The following GAREM1 variants were observed in gnomAD, a reference collection of about 807,000 sequenced individuals.
The protein encoded by GAREM1 is GRB2-associated and regulator of MAPK protein 1.
GAREM1 carries 26 observed loss-of-function variants against 71.3 expected under a neutral mutation model. The observed-to-expected ratio is 0.36, with a 90% confidence interval of 0.27 to 0.51. GAREM1 has a LOEUF of 0.51. GAREM1 is among the 20% of genes least tolerant of loss of function. The pLI, the probability that GAREM1 is intolerant of heterozygous loss-of-function variation, is 0.95. For synonymous variants in GAREM1, 440 were observed against 433.2 expected (o/e 1.02, Z -0.20); for missense variants, 1,026 against 1,103.1 (o/e 0.93, Z 0.99).
At chr18:32,413,709 T>C (rs959203154) in intron 1 of GAREM1, among the ~76,000 whole-genome samples, 22 of 152,118 alleles carry the variant, frequency 1.4e-4, no homozygotes, top group African/African-American at 5.1e-4. Context: ...GTGCAACTTC[T>C]TAAAATTGAA....
chr18:32,381,403 G>C (rs77262458), intron 2 of GAREM1, among the ~76,000 whole-genome samples: 1 of 152,154 alleles, frequency 6.6e-6, no homozygotes, highest in African/African-American at 2.4e-5. Context: ...GCAAAAGCAA[G>C]TGCCTGTGCT....
intron 2 of GAREM1, among the ~76,000 whole-genome samples, chr18:32,372,245 G>A (rs904263738): frequency 6.6e-6 from 1 of 152,230 alleles, no homozygotes; most frequent in Admixed American, 6.5e-5. Flanking sequence ...GTACTAAGAA[G>A]GCAAATTAAA....
chr18:32,458,185 AT>A (rs1411320696), intron 1 of GAREM1, among the ~76,000 whole-genome samples: 2 of 152,078 alleles, frequency 1.3e-5, no homozygotes, highest in Non-Finnish European at 2.9e-5. Flanking sequence ...AAACGTGTCC[AT>A]TTACTTATTA....
At chr18:32,298,750 A>G (rs182691510) in intron 3 of GAREM1, among the ~76,000 whole-genome samples, 3 of 150,556 alleles carry the variant, frequency 2.0e-5, no homozygotes, top group Admixed American at 2.0e-4. Flanking sequence ...GTAAGAGGTT[A>G]AAATTCCAAC....
At chr18:32,413,515 T>G (rs970612648) in intron 1 of GAREM1, among the ~76,000 whole-genome samples, 2 of 152,168 alleles carry the variant, frequency 1.3e-5, no homozygotes, top group Admixed American at 6.6e-5. Context: ...AGACAGTGGC[T>G]AGGTGACATT....
At chr18:32,274,814 G>C (rs2144427534) in intron 4 of GAREM1, among the ~76,000 whole-genome samples, 2 of 152,166 alleles carry the variant, frequency 1.3e-5, no homozygotes, top group Middle Eastern at 3.4e-3. Flanking sequence ...TAATGAGCCT[G>C]CGAGCTAAAA....
intron 2 of GAREM1, among the ~76,000 whole-genome samples, chr18:32,376,625 G>A (rs1267550360): frequency 6.6e-6 from 1 of 151,954 alleles, no homozygotes; most frequent in African/African-American, 2.4e-5. Context: ...ATCACCTGAG[G>A]TCAGAAGTTC....
chr18:32,439,469 G>A (rs758703533), intron 1 of GAREM1, among the ~76,000 whole-genome samples: 8 of 152,008 alleles, frequency 5.3e-5, no homozygotes, highest in African/African-American at 1.7e-4. Flanking sequence ...ATTTACTTCC[G>A]ATAAGGTGAT....
At chr18:32,438,571 G>A (rs965414706) in intron 1 of GAREM1, among the ~76,000 whole-genome samples, 2 of 152,168 alleles carry the variant, frequency 1.3e-5, no homozygotes, top group Non-Finnish European at 2.9e-5. Flanking sequence ...CAACAAAGGC[G>A]AGTCAAGAAC....
Position 32,308,826 on chromosome 18 carries a change from G to A in GAREM1, c.393+1367C>T, listed in dbSNP as rs549720009. On this transcript the variant is annotated intron_variant, in intron 3 of 5. Transcript: ENST00000269209. ...CATCTTAATAATAAAACTAAAGAGC[G>A]TAGACCAAAGCAGCTGTATTTTGGA... is the stretch of plus-strand genomic sequence containing the variant. Among the ~76,000 whole-genome samples the A allele has an allele frequency of 3.3e-4, 50 of 150,338 alleles. 3 individuals carry two copies. The highest frequency in any genetic ancestry group is 8.5e-4 in the South Asian group (4 of 4,720).
intron 4 of GAREM1, among the ~76,000 whole-genome samples, chr18:32,271,342 GC>G (rs1417276718): frequency 6.6e-6 from 1 of 152,068 alleles, no homozygotes; most frequent in Non-Finnish European, 1.5e-5. Context: ...ACAGGCGCCT[GC>G]CATCATGCCC....
chr18:32,287,660 C>A lies in GAREM1; in HGVS notation c.937G>T (p.Val313Leu), dbSNP rs764335169. The A allele has an allele frequency of 6.2e-7, 1 of 1,614,176 alleles. No homozygotes were observed. Among genetic ancestry groups the A allele is most frequent in the South Asian group, 1.1e-5 (1 of 91,082 alleles). Reference protein sequence around the residue: ...VPKFSLPEHLVKGESWPETLV... With the variant: ...VPKFSLPEHLLKGESWPETLV... Reference sequence around the variant, plus strand: ...GTTTCGGGCCAGCTCTCTCCCTTCACCAGGTGTTCTGGGAGGCTGAACTTG... The same window carrying A: ...GTTTCGGGCCAGCTCTCTCCCTTCAACAGGTGTTCTGGGAGGCTGAACTTG... Residue 313 changes from valine to leucine, a missense_variant, in exon 4 of 6, where the codon GTG becomes TTG. Transcript: ENST00000269209. This position sits in a 1 kb window ranked among gnomAD's most constrained non-coding sequence, Gnocchi z 5.9.
intron 1 of GAREM1, among the ~76,000 whole-genome samples, chr18:32,448,808 G>A (rs58259592): frequency 0.012 from 1,765 of 152,218 alleles, 26 homozygotes; most frequent in African/African-American, 0.04. Flanking sequence ...GGGAGACTGG[G>A]GTAGGAAGAC....
intron 2 of GAREM1, among the ~76,000 whole-genome samples, chr18:32,343,237 C>T (rs529098037): frequency 6.6e-6 from 1 of 150,528 alleles, no homozygotes; most frequent in South Asian, 2.1e-4. Context: ...AACTGGAAAG[C>T]GGGTGGAGAA....
chr18:32,394,233 C>G (rs11872217), intron 1 of GAREM1, among the ~76,000 whole-genome samples: 1,929 of 152,006 alleles, frequency 0.013, 51 homozygotes, highest in African/African-American at 0.045. Flanking sequence ...AATCCCATCT[C>G]TACAAAAAAA....
intron 2 of GAREM1, among the ~76,000 whole-genome samples, chr18:32,340,422 G>A (rs569055748): frequency 4.8e-4 from 73 of 152,286 alleles, no homozygotes; most frequent in African/African-American, 1.7e-3. Flanking sequence ...CCTGAAAGAT[G>A]AGCAGAGGTC....
At chr18:32,336,070 C>CT (rs1435729842) in intron 2 of GAREM1, among the ~76,000 whole-genome samples, 1 of 152,126 alleles carries the variant, frequency 6.6e-6, no homozygotes, top group African/African-American at 2.4e-5. Flanking sequence ...GTAATGTATT[C>CT]TTTTTTGAGG....
At chr18:32,342,705 T>C (rs1392883491) in intron 2 of GAREM1, among the ~76,000 whole-genome samples, 2 of 152,196 alleles carry the variant, frequency 1.3e-5, no homozygotes, top group Non-Finnish European at 2.9e-5. Context: ...CCCAACCCCT[T>C]ATACATACAA....
chr18:32,467,848 C>G (rs1330136832), intron 1 of GAREM1, among the ~76,000 whole-genome samples: 1 of 152,176 alleles, frequency 6.6e-6, no homozygotes, highest in Non-Finnish European at 1.5e-5. Flanking sequence ...CAACACAAAA[C>G]TTAAGATTTC....
Sources: allele counts gnomAD v4.1 joint callset (sites outside exome capture counted in the v4.1 genomes callset), GRCh38; gene constraint gnomAD v4.1.1; non-coding constraint Gnocchi (gnomAD v3.1); transcripts MANE v1.5; gene names NCBI Gene and HGNC (gene_info 2026-07-23, HGNC 2026-07-21).